RNF8: variants seen among roughly 807,000 people sequenced by gnomAD.
RNF8 encodes the protein E3 ubiquitin-protein ligase RNF8.
A neutral mutation model predicts 59.3 loss-of-function variants in RNF8; 8 were observed. The ratio of observed to expected loss-of-function variants is 0.13; its 90% CI spans 0.08 to 0.24. RNF8 has a LOEUF of 0.24. Ranked by LOEUF, RNF8 falls within the 10% of genes least tolerant of loss-of-function variation. The pLI is 1.00. For synonymous variants in RNF8, 162 were observed against 200.0 expected (o/e 0.81, Z 1.60); for missense variants, 406 against 572.6 (o/e 0.71, Z 2.97).
intron 3 of RNF8, among the ~76,000 whole-genome samples, chr6:37,370,700 A>AG (rs1769767496): frequency 2.5e-5 from 2 of 80,136 alleles, no homozygotes; most frequent in African/African-American, 1.5e-4. Context: ...GCTCCTTCAC[A>AG]CTTTTTTTTT....
intron 7 of RNF8, among the ~76,000 whole-genome samples, chr6:37,383,548 G>A (rs960006130): frequency 1.3e-5 from 2 of 152,210 alleles, no homozygotes; most frequent in African/African-American, 4.8e-5. Context: ...ACAGGGTGTT[G>A]CCCATGCAGA....
Position 37,368,857 on chromosome 6 carries a change from C to G in RNF8, c.614C>G (p.Pro205Arg). The G allele has an allele frequency of 6.2e-7, 1 of 1,614,090 alleles. No individual in the cohort carries two copies. The highest frequency in any genetic ancestry group is 8.5e-7 in the Non-Finnish European group (1 of 1,179,982). Residue 205 changes from proline (P) to arginine (R), a missense_variant, in exon 3 of 8, where the codon CCT becomes CGT. Physicochemically the swap from Pro to Arg is moderately radical, Grantham distance 103 (BLOSUM62 -2). Around this residue, in one of 3 missense-constraint regions of RNF8, gnomAD observed 285 missense variants for 342.0 expected, o/e 0.83. Coordinates refer to ENST00000373479, the MANE Select transcript of RNF8 (RefSeq NM_003958.4). ...AGTACACCCTCTGACAATTTGGATC[C>G]TAAGTTGACTGCCCTTGAGCCAAGT... Reference protein sequence around the residue: ...VASTPSDNLDPKLTALEPSKT... With the variant: ...VASTPSDNLDRKLTALEPSKT...
At chr6:37,381,689 A>G (rs530534733) in intron 7 of RNF8, among the ~76,000 whole-genome samples, 1 of 152,236 alleles carries the variant, frequency 6.6e-6, no homozygotes, top group South Asian at 2.1e-4. Flanking sequence ...TTGTCAAGAC[A>G]CTTCAGTTGC....
intron 2 of RNF8, among the ~76,000 whole-genome samples, chr6:37,362,138 C>T (rs765817124): frequency 3.3e-5 from 5 of 152,204 alleles, no homozygotes; most frequent in Middle Eastern, 3.2e-3. Context: ...ATGTTTTCCT[C>T]ATCAGAGTAG....
intron 7 of RNF8, among the ~76,000 whole-genome samples, chr6:37,385,701 A>G (rs1320779302): frequency 6.6e-6 from 1 of 152,134 alleles, no homozygotes; most frequent in Non-Finnish European, 1.5e-5. Flanking sequence ...TTGTAGTGGG[A>G]TAGTAACATT....
chr6:37,392,514 T>C lies in RNF8; in HGVS notation c.*1756T>C, dbSNP rs1277106198. On this transcript the variant is annotated 3_prime_UTR_variant, in exon 8 of 8. Coordinates refer to ENST00000373479, the MANE Select transcript of RNF8 (RefSeq NM_003958.4). Reference sequence around the variant, plus strand: ...TTGTATATTCTTCCAGAGATCTCTGTCTATACAAGCAAAAACACATGTGGT... The same window carrying C: ...TTGTATATTCTTCCAGAGATCTCTGCCTATACAAGCAAAAACACATGTGGT... 1 of 398,608 alleles carries C rather than the reference T, an allele frequency of 2.5e-6. No individual in the cohort carries two copies. The highest frequency in any genetic ancestry group is 4.4e-6 in the Non-Finnish European group (1 of 226,052). The allele number at this position is 398,608 out of a possible 1,614,324, so 24.7% of individuals were successfully genotyped here.
In RNF8 at chr6:37,368,963, A is replaced by G; in HGVS notation, c.720A>G (p.Ser240=). ...ATGAGCAGAAAGCCTCAAACTCTTC[A>G]GCATCTCAGAGAAGCTTACAGATGT... ...VHHEQKASNS[S]ASQRSLQMFK... Residue 240 remains serine, a synonymous_variant, in exon 3 of 8, where the codon TCA becomes TCG. Coordinates refer to ENST00000373479, the MANE Select transcript of RNF8 (RefSeq NM_003958.4). 1.2e-6 allele frequency: 2 copies of G among 1,614,234 alleles called. No individual in the cohort carries two copies. Among genetic ancestry groups the G allele is most frequent in the Non-Finnish European group, 1.7e-6 (2 of 1,180,048 alleles).
intron 6 of RNF8, among the ~76,000 whole-genome samples, chr6:37,378,736 G>A (rs1050391951): frequency 4.0e-5 from 6 of 151,638 alleles, no homozygotes; most frequent in Admixed American, 2.0e-4. Context: ...CTCTGGGTCC[G>A]TTTGGACTTC....
intron 7 of RNF8, among the ~76,000 whole-genome samples, chr6:37,385,282 G>T (rs1343162876): frequency 1.3e-5 from 2 of 151,272 alleles, no homozygotes; most frequent in Admixed American, 6.6e-5. Flanking sequence ...CAAAGTGCTG[G>T]GATTACAGGC....
chr6:37,392,212 GA>G lies in RNF8; in HGVS notation c.*1458del. The G allele has an allele frequency of 2.7e-6, 1 of 368,348 alleles. No homozygotes were observed. Among genetic ancestry groups the G allele is most frequent in the Non-Finnish European group, 4.8e-6 (1 of 207,732 alleles). 22.8% of individuals were successfully genotyped at this position (368,348 alleles called of 1,614,324 possible). On this transcript the variant is annotated 3_prime_UTR_variant, in exon 8 of 8. Coordinates refer to ENST00000373479, the MANE Select transcript of RNF8 (RefSeq NM_003958.4). ...ATTCTGGAAAAATAGAGAACAAAAGGAAAAGATTGTTACCACCTTGATTTAA... is the reference window on the plus strand; with the variant it reads ...ATTCTGGAAAAATAGAGAACAAAAGGAAAGATTGTTACCACCTTGATTTAA...
intron 6 of RNF8, among the ~76,000 whole-genome samples, chr6:37,380,619 C>T (rs1193023763): frequency 1.3e-5 from 2 of 149,590 alleles, no homozygotes; most frequent in Non-Finnish European, 3.0e-5. Context: ...TGCAGTGAGC[C>T]GAGATCGCGC....
At chr6:37,359,476 T>A (rs1769237112) in intron 1 of RNF8, 1 of 200,460 alleles carries the variant, frequency 5.0e-6, no homozygotes, top group South Asian at 8.6e-5. Flanking sequence ...AGATATTAAG[T>A]ATGTCTGATC....
chr6:37,375,694 A>G (rs9470567), intron 5 of RNF8, among the ~76,000 whole-genome samples: 138 of 152,336 alleles, frequency 9.1e-4, no homozygotes, highest in African/African-American at 3.1e-3. Flanking sequence ...CTATGGTTAG[A>G]AATGGGTCCA....
In RNF8 at chr6:37,385,820, G is replaced by A. The variant is rs115676798; in HGVS notation, c.1441+4466G>A. Among the ~76,000 whole-genome samples the A allele has an allele frequency of 8.9e-4, 132 of 148,094 alleles. 1 individual carries two copies. Among genetic ancestry groups the A allele is most frequent in the Non-Finnish European group, 1.6e-3 (108 of 67,238 alleles). ...TAGTATCCTTCCTTATCATCAAAAT[G>A]TAGTTTTTCCTCTGTTTAATTTCTT... On this transcript the variant is annotated intron_variant, in intron 7 of 7. Coordinates refer to ENST00000373479, the MANE Select transcript of RNF8 (RefSeq NM_003958.4).
chr6:37,368,728 C>G lies in RNF8; in HGVS notation c.485C>G (p.Ala162Gly). ...TKRKFSLDELAGPGAEGPSNL... is the reference protein window; with the variant it reads ...TKRKFSLDELGGPGAEGPSNL... Reference sequence around the variant, plus strand: ...AGGAAATTCAGTTTGGATGAATTAGCAGGTCCTGGAGCTGAAGGCCCCTCA... The same window carrying G: ...AGGAAATTCAGTTTGGATGAATTAGGAGGTCCTGGAGCTGAAGGCCCCTCA... Residue 162 changes from alanine to glycine, a missense_variant, in exon 3 of 8, where the codon GCA (alanine) becomes GGA (glycine). Transcript: ENST00000373479. 2 of 1,614,104 alleles carry G rather than the reference C, an allele frequency of 1.2e-6. No homozygotes were observed. The highest frequency in any genetic ancestry group is 2.2e-5 in the East Asian group (1 of 44,884).
rs1179472104 is a variant in RNF8, at chr6:37,393,290, T to TA, written c.*2533dup. 1 of 152,224 alleles carries TA rather than the reference T, an allele frequency of 6.6e-6. No individual in the cohort carries two copies. Among genetic ancestry groups the TA allele is most frequent in the Non-Finnish European group, 1.5e-5 (1 of 68,038 alleles). The allele number at this position is 152,224 out of a possible 1,614,324, so 9.4% of individuals were successfully genotyped here. A position where few individuals can be genotyped will look rare whatever the true frequency, so the allele number is the denominator to read the frequency against. ...ATCTCTAAGTAATTATATCTGTCAT[T>TA]ATTGCCCTGATCACAAACAAAAGCC... On this transcript the variant is annotated 3_prime_UTR_variant, in exon 8 of 8. Transcript: ENST00000373479.
At chr6:37,377,083 T>C in intron 6 of RNF8, 50 bp downstream of exon 6, 1 of 1,119,120 alleles carries the variant, frequency 8.9e-7, no homozygotes, top group Non-Finnish European at 1.3e-6. Context: ...TTTTTTTTTT[T>C]TTTTTTGAGA....
At chr6:37,386,733 A>G (rs1770520001) in intron 7 of RNF8, among the ~76,000 whole-genome samples, 1 of 152,216 alleles carries the variant, frequency 6.6e-6, no homozygotes, top group Admixed American at 6.5e-5. Flanking sequence ...CCCAGCTATC[A>G]GCCCACCAGC....
At chr6:37,374,823 C>T in intron 5 of RNF8, 114 bp downstream of exon 5, 1 of 690,690 alleles carries the variant, frequency 1.4e-6, no homozygotes, top group Non-Finnish European at 2.5e-6. Context: ...TGCTCCTTGC[C>T]TCTGGGGAGA....
Sources: allele counts gnomAD v4.1 joint callset (sites outside exome capture counted in the v4.1 genomes callset), GRCh38; gene constraint gnomAD v4.1.1; regional missense constraint gnomAD v4.1.1; transcripts MANE v1.5; gene names NCBI Gene and HGNC (gene_info 2026-07-23, HGNC 2026-07-21).